The following DOCK8 variants were observed in gnomAD, a reference collection of about 807,000 sequenced individuals.
DOCK8 encodes the protein dedicator of cytokinesis protein 8.
A neutral mutation model predicts 245.6 loss-of-function variants in DOCK8; 141 were observed. The ratio of observed to expected loss-of-function variants is 0.57; its 90% CI spans 0.50 to 0.66. DOCK8 has a LOEUF of 0.66. DOCK8 is among the 30% of genes least tolerant of loss of function. The probability of loss-of-function intolerance (pLI) is 0.00; values close to 1 mark genes in which losing one functional copy is unlikely to be tolerated. For synonymous variants in DOCK8, 1,168 were observed against 970.2 expected (o/e 1.20, Z -3.79); for missense variants, 2,965 against 2,603.4 (o/e 1.14, Z -3.02).
At position 340,341 on chromosome 9, in the gene DOCK8, G is replaced by A. The variant is rs1436358610; in HGVS notation, c.1679+20G>A. Reference sequence around the variant, plus strand: ...GTACAGGTAAGAAACACAGGCTCGGGCTGGGCGTGGTGGCTTACACCATAA... The same window carrying A: ...GTACAGGTAAGAAACACAGGCTCGGACTGGGCGTGGTGGCTTACACCATAA... On this transcript the variant is annotated intron_variant, in intron 14 of 47. Coordinates refer to ENST00000432829, the MANE Select transcript of DOCK8 (RefSeq NM_203447.4). 2 of 1,613,776 alleles carry A rather than the reference G, an allele frequency of 1.2e-6. No homozygotes were observed. Among genetic ancestry groups the A allele is most frequent in the East Asian group, 4.5e-5 (2 of 44,854 alleles).
chr9:325,242 G>T (rs1203278561), intron 7 of DOCK8, among the ~76,000 whole-genome samples: 1 of 152,094 alleles, frequency 6.6e-6, no homozygotes, highest in African/African-American at 2.4e-5. Flanking sequence ...GTTGGTTGTT[G>T]GTTCCATATC....
chr9:400,551 G>C (rs370903468), intron 26 of DOCK8, among the ~76,000 whole-genome samples: 33 of 5,020 alleles, frequency 6.6e-3, no homozygotes, highest in Admixed American at 0.013. Context: ...ACCACCACCA[G>C]CATCTTCACC....
intron 14 of DOCK8, among the ~76,000 whole-genome samples, chr9:349,371 A>G (rs1184663927): frequency 6.6e-6 from 1 of 152,262 alleles, no homozygotes; most frequent in African/African-American, 2.4e-5. Context: ...TTCAAAATGT[A>G]AATTGAGATT....
intron 28 of DOCK8, among the ~76,000 whole-genome samples, chr9:413,913 G>T (rs1301563681): frequency 2.6e-5 from 4 of 152,194 alleles, no homozygotes; most frequent in African/African-American, 4.8e-5. Flanking sequence ...AGGCTGAGGT[G>T]GGCAGATCAT....
chr9:235,054 G>A (rs146382929), intron 1 of DOCK8, among the ~76,000 whole-genome samples: 8,645 of 152,158 alleles, frequency 0.057, 332 homozygotes, highest in South Asian at 0.094. Flanking sequence ...TTTGATGATG[G>A]TGACGTACAG....
chr9:230,516 A>G (rs1026590811), intron 1 of DOCK8, among the ~76,000 whole-genome samples: 1 of 152,102 alleles, frequency 6.6e-6, no homozygotes, highest in Non-Finnish European at 1.5e-5. Context: ...CAGTCCCACC[A>G]ACAGTGTAAA....
intron 14 of DOCK8, among the ~76,000 whole-genome samples, chr9:362,280 T>A (rs2052767267): frequency 6.6e-6 from 1 of 152,222 alleles, no homozygotes; most frequent in Non-Finnish European, 1.5e-5. Context: ...CCACTCTTCT[T>A]AACCAGGCTA....
intron 7 of DOCK8, among the ~76,000 whole-genome samples, chr9:318,003 T>C (rs753805376): frequency 7.9e-5 from 12 of 152,108 alleles, no homozygotes; most frequent in East Asian, 3.9e-4. Flanking sequence ...TATAGACATG[T>C]ATTAATTTTG....
At chr9:457,321 A>T (rs533082742) in intron 46 of DOCK8, among the ~76,000 whole-genome samples, 6 of 152,324 alleles carry the variant, frequency 3.9e-5, no homozygotes, top group South Asian at 2.1e-4. Flanking sequence ...GTTTCCCCAG[A>T]TGTAAAATCG....
At chr9:268,551 T>C (rs1188767491) in intron 1 of DOCK8, among the ~76,000 whole-genome samples, 1 of 152,232 alleles carries the variant, frequency 6.6e-6, no homozygotes, top group South Asian at 2.1e-4. Flanking sequence ...ACAGTGCCAC[T>C]TTCTTTCCTG....
At chr9:424,779 T>C (rs1043651887) in intron 33 of DOCK8, among the ~76,000 whole-genome samples, 9 of 152,238 alleles carry the variant, frequency 5.9e-5, no homozygotes, top group Non-Finnish European at 1.2e-4. Flanking sequence ...TACTTAACAC[T>C]ACTGAACTGT....
At chr9:313,754 G>C (rs922601450) in intron 6 of DOCK8, among the ~76,000 whole-genome samples, 1 of 152,180 alleles carries the variant, frequency 6.6e-6, no homozygotes, top group African/African-American at 2.4e-5. Flanking sequence ...GATTTTTAAT[G>C]TTCTCATCAC....
intron 14 of DOCK8, among the ~76,000 whole-genome samples, chr9:352,252 A>G (rs2052206949): frequency 6.6e-6 from 1 of 152,162 alleles, no homozygotes; most frequent in African/African-American, 2.4e-5. Flanking sequence ...TACAGGAGCC[A>G]TGGTCTGCAG....
At chr9:230,544 A>C (rs1413590054) in intron 1 of DOCK8, among the ~76,000 whole-genome samples, 2 of 152,054 alleles carry the variant, frequency 1.3e-5, no homozygotes, top group Non-Finnish European at 2.9e-5. Context: ...CTATTTCTCC[A>C]CATCCTCTCC....
At chr9:378,554 C>T (rs2053610238) in intron 20 of DOCK8, among the ~76,000 whole-genome samples, 2 of 152,230 alleles carry the variant, frequency 1.3e-5, no homozygotes, top group Admixed American at 1.3e-4. Flanking sequence ...GTAGCAGTTG[C>T]CTCTCCAGCT....
At chr9:316,319 A>T (rs1277520375) in intron 6 of DOCK8, among the ~76,000 whole-genome samples, 1 of 152,232 alleles carries the variant, frequency 6.6e-6, no homozygotes, top group Non-Finnish European at 1.5e-5. Flanking sequence ...TTTTGCATAC[A>T]TGAATATAAT....
chr9:256,888 A>C (rs1563845896), intron 1 of DOCK8, among the ~76,000 whole-genome samples: 1 of 152,188 alleles, frequency 6.6e-6, no homozygotes, highest in Non-Finnish European at 1.5e-5. Flanking sequence ...TACTTGAAAG[A>C]ATAAATCAAT....
chr9:398,608 C>T lies in DOCK8; in HGVS notation c.3121-538C>T, dbSNP rs114389082. 6.2e-3 allele frequency among the ~76,000 whole-genome samples: 937 copies of T among 152,190 alleles called. 4 individuals are homozygous for T. Among genetic ancestry groups the T allele is most frequent in the African/African-American group, 0.021 (888 of 41,522 alleles). ...GGGATTCATGGAGGAATTTACCCTA[C>T]GGAGTGAATACACCCTGCGGAGTAT... is the stretch of plus-strand genomic sequence containing the variant. On this transcript the variant is annotated intron_variant, in intron 25 of 47. Transcript: ENST00000432829.
At chr9:264,957 G>C (rs2048003087) in intron 1 of DOCK8, among the ~76,000 whole-genome samples, 1 of 152,100 alleles carries the variant, frequency 6.6e-6, no homozygotes, top group Non-Finnish European at 1.5e-5. Flanking sequence ...TTGAGACAAA[G>C]TCTCGCTCTT....
Sources: gnomAD v4.1 joint callset for allele counts (sites outside exome capture counted in the v4.1 genomes callset) on GRCh38, gnomAD v4.1.1 for gene constraint, MANE v1.5 for transcripts, NCBI Gene and HGNC (gene_info 2026-07-23, HGNC 2026-07-21) for gene names.